MCPH1: variants seen among roughly 807,000 people sequenced by gnomAD.
MCPH1 encodes microcephalin 1, also known as microcephalin.
MCPH1 carries 104 observed loss-of-function variants against 84.5 expected under a neutral mutation model. That is an observed-to-expected ratio of 1.23 (90% CI 1.05 to 1.45). The LOEUF is 1.45. Among genes scored for constraint, MCPH1 ranks in the 40% most tolerant of loss-of-function variants. MCPH1 has a pLI of 0.00. For synonymous variants in MCPH1, 514 were observed against 366.8 expected (o/e 1.40, Z -4.58); for missense variants, 1,498 against 1,005.7 (o/e 1.49, Z -6.62).
At chr8:6,414,941 A>G in intron 3 of MCPH1, 58 bp downstream of exon 3, 1 of 1,572,722 alleles carries the variant, frequency 6.4e-7, no homozygotes, top group Admixed American at 1.7e-5. Context: ...AAATGTGTGG[A>G]GATATTTTTC....
At chr8:6,427,507 G>C (rs1801227167) in intron 3 of MCPH1, among the ~76,000 whole-genome samples, 1 of 152,056 alleles carries the variant, frequency 6.6e-6, no homozygotes, top group Non-Finnish European at 1.5e-5. Flanking sequence ...GAGGAGCTGG[G>C]ACTACAGGCG....
intron 6 of MCPH1, among the ~76,000 whole-genome samples, chr8:6,440,348 A>G (rs1379547133): frequency 6.6e-6 from 1 of 152,010 alleles, no homozygotes; most frequent in Non-Finnish European, 1.5e-5. Context: ...GAATCCTTGT[A>G]TTTCTGAGTA....
intron 12 of MCPH1, among the ~76,000 whole-genome samples, chr8:6,611,688 A>G (rs1363842416): frequency 3.3e-5 from 5 of 151,964 alleles, no homozygotes; most frequent in East Asian, 1.9e-4. Flanking sequence ...GCGCCATCTC[A>G]GCTCCCTGCA....
chr8:6,579,181 C>T (rs751760598), intron 12 of MCPH1, among the ~76,000 whole-genome samples: 2 of 152,212 alleles, frequency 1.3e-5, no homozygotes, highest in Non-Finnish European at 2.9e-5. Flanking sequence ...CACCTGTAGC[C>T]TCTAGCCCTC....
At chr8:6,640,657 C>A (rs565384165) in intron 13 of MCPH1, among the ~76,000 whole-genome samples, 126 of 152,204 alleles carry the variant, frequency 8.3e-4, no homozygotes, top group African/African-American at 2.9e-3. Context: ...TAAGTATTAC[C>A]AAGTTTTTAA....
intron 12 of MCPH1, among the ~76,000 whole-genome samples, chr8:6,618,021 C>G (rs968556831): frequency 2.6e-5 from 4 of 152,110 alleles, no homozygotes; most frequent in Non-Finnish European, 5.9e-5. Flanking sequence ...ATCCAACTAC[C>G]TCAGCCTCCC....
intron 5 of MCPH1, among the ~76,000 whole-genome samples, chr8:6,437,046 G>A (rs953093769): frequency 1.3e-5 from 2 of 151,952 alleles, no homozygotes; most frequent in Admixed American, 1.3e-4. Context: ...TTTCACTGTC[G>A]TCTAAAGTCA....
intron 13 of MCPH1, chr8:6,625,921 A>G: frequency 1.0e-6 from 1 of 985,046 alleles, no homozygotes; most frequent in South Asian, 4.7e-5. Flanking sequence ...CCTCTCTGAG[A>G]AGTTTCTTTT....
chr8:6,465,691 C>T (rs1264690825), intron 9 of MCPH1, among the ~76,000 whole-genome samples: 1 of 152,132 alleles, frequency 6.6e-6, no homozygotes, highest in Non-Finnish European at 1.5e-5. Context: ...CGGGGGAGGC[C>T]TGCAAACCTT....
At chr8:6,639,126 T>G (rs533755766) in intron 13 of MCPH1, among the ~76,000 whole-genome samples, 3 of 152,258 alleles carry the variant, frequency 2.0e-5, no homozygotes, top group South Asian at 4.1e-4. Context: ...CCCACCACGA[T>G]AAATACGTGG....
intron 1 of MCPH1, among the ~76,000 whole-genome samples, chr8:6,409,045 C>T (rs562579693): frequency 1.4e-4 from 21 of 152,114 alleles, no homozygotes; most frequent in Admixed American, 2.6e-4. Flanking sequence ...CCACCATGCT[C>T]GGCTAATTTT....
chr8:6,634,910 C>G (rs575276658), intron 13 of MCPH1: 1 of 152,122 alleles, frequency 6.6e-6, no homozygotes, highest in Non-Finnish European at 1.5e-5. Flanking sequence ...CAGCAGTGAA[C>G]GGAGGTGTAG....
At chr8:6,517,130 T>G (rs1435782045) in intron 12 of MCPH1, among the ~76,000 whole-genome samples, 1 of 152,232 alleles carries the variant, frequency 6.6e-6, no homozygotes, top group Non-Finnish European at 1.5e-5. Context: ...TGAGTAAAAG[T>G]GCTGAAATTG....
chr8:6,522,773 C>CA lies in MCPH1; in HGVS notation c.2214+22856dup, dbSNP rs199503821. 9.5e-3 allele frequency among the ~76,000 whole-genome samples: 1,241 copies of CA among 130,270 alleles called. 14 individuals are homozygous for CA. Among genetic ancestry groups the CA allele is most frequent in the African/African-American group, 0.026 (951 of 36,602 alleles). 85.5% of individuals were successfully genotyped at this position (130,270 alleles called of 152,430 possible). On this transcript the variant is annotated intron_variant, in intron 12 of 13. Transcript: ENST00000344683. ...TGGGCAACAGAGCGAGACATCGTCT[C>CA]AAAAAAAAAAAAGAAAAGAAAAGAA...
intron 12 of MCPH1, among the ~76,000 whole-genome samples, chr8:6,584,197 A>C (rs1199814391): frequency 6.6e-6 from 1 of 152,168 alleles, no homozygotes; most frequent in Admixed American, 6.5e-5. Flanking sequence ...ATCAATACAC[A>C]CTTTAAAAAT....
chr8:6,643,938 T>G lies in MCPH1; in HGVS notation c.*889T>G, dbSNP rs563221170. Reference sequence around the variant, plus strand: ...GCCGTCCTCGAGATGAAATTGGCAGTTGGGGCTGATTCACAGAAACACCGA... The same window carrying G: ...GCCGTCCTCGAGATGAAATTGGCAGGTGGGGCTGATTCACAGAAACACCGA... On this transcript the variant is annotated 3_prime_UTR_variant, in exon 14 of 14. Transcript: ENST00000344683. The G allele has an allele frequency of 6.6e-6, 1 of 152,320 alleles. No individual in the cohort carries two copies. Among genetic ancestry groups the G allele is most frequent in the Non-Finnish European group, 1.5e-5 (1 of 68,126 alleles). The allele number at this position is 152,320 out of a possible 1,614,324, so 9.4% of individuals were successfully genotyped here.
chr8:6,502,791 A>G, intron 12 of MCPH1: 1 of 364,344 alleles, frequency 2.7e-6, no homozygotes, highest in Non-Finnish European at 5.1e-6. Context: ...AAACTTGCAC[A>G]TAACATTCTT....
rs377162867 is a variant in MCPH1, at chr8:6,498,375, C to G, written c.2137-1477C>G. ...AAACTACTAGAGCAAAATGTTTACA[C>G]TGTATTTCTGATTTGATTGTTTTAA... On this transcript the variant is annotated intron_variant, in intron 11 of 13. Transcript: ENST00000344683. 3.8e-4 allele frequency among the ~76,000 whole-genome samples: 58 copies of G among 152,320 alleles called. 1 individual carries two copies. The highest frequency in any genetic ancestry group is 1.3e-3 in the African/African-American group (54 of 41,576).
chr8:6,630,955 C>T (rs911852355), intron 13 of MCPH1, among the ~76,000 whole-genome samples: 18 of 152,258 alleles, frequency 1.2e-4, no homozygotes, highest in African/African-American at 4.1e-4. Context: ...GAAACTCTAA[C>T]CTCTCATCCA....
Sources: allele counts gnomAD v4.1 joint callset (sites outside exome capture counted in the v4.1 genomes callset), GRCh38; gene constraint gnomAD v4.1.1; transcripts MANE v1.5; gene names NCBI Gene and HGNC (gene_info 2026-07-23, HGNC 2026-07-21).